Variants in DENND1A observed in about 807,000 individuals in gnomAD.
DENND1A encodes the protein DENN domain containing 1A.
In DENND1A, 51 loss-of-function variants were observed where a neutral mutation model predicts 113.7. That is an observed-to-expected ratio of 0.45 (90% CI 0.36 to 0.57). The LOEUF (loss-of-function observed/expected upper bound fraction) is 0.57, where lower values mean the gene tolerates loss of function less well. Among genes scored for constraint, DENND1A ranks in the 20% least tolerant of loss-of-function variants. DENND1A has a pLI of 0.00. For synonymous variants in DENND1A, 565 were observed against 570.8 expected, an observed-to-expected ratio of 0.99 and a Z score of 0.14; for missense variants, 1,258 against 1,395.9, an observed-to-expected ratio of 0.90 and a Z score of 1.57.
intron 5 of DENND1A, among the ~76,000 whole-genome samples, chr9:123,690,127 G>A (rs1291799167): frequency 1.1e-5 from 1 of 89,752 alleles, no homozygotes; most frequent in African/African-American, 4.3e-5. Context: ...AGGAGGGAGG[G>A]GGGAAGAAGG....
chr9:123,749,914 G>A (rs1271149261), intron 5 of DENND1A, among the ~76,000 whole-genome samples: 3 of 152,126 alleles, frequency 2.0e-5, no homozygotes, highest in African/African-American at 4.8e-5. Flanking sequence ...AATTCACTCC[G>A]TCTCAAAAAT....
chr9:123,728,479 CAAA>C (rs60761810), intron 5 of DENND1A, among the ~76,000 whole-genome samples: 35 of 25,188 alleles, frequency 1.4e-3, no homozygotes, highest in Non-Finnish European at 1.3e-3. Context: ...CTCTGTCTCC[CAAA>C]AAAAAAAAAA....
At chr9:123,541,063 A>G (rs1466679771) in intron 13 of DENND1A, among the ~76,000 whole-genome samples, 1 of 152,096 alleles carries the variant, frequency 6.6e-6, no homozygotes, top group Non-Finnish European at 1.5e-5. Flanking sequence ...GTTGATTTTC[A>G]TCTTTGTTTA....
chr9:123,557,823 T>A (rs2057511270), intron 12 of DENND1A, 128 bp from the exon 13 acceptor site: 1 of 1,133,410 alleles, frequency 8.8e-7, no homozygotes, highest in Non-Finnish European at 1.2e-6. Context: ...CCTCAGTTAC[T>A]GGGAGGACAA....
In DENND1A at chr9:123,835,154, TGA is replaced by T. The variant is rs1590289022; in HGVS notation, c.89-42526_89-42525del. On this transcript the variant is annotated intron_variant, in intron 2 of 23. Coordinates refer to ENST00000394215, the MANE Select transcript of DENND1A (RefSeq NM_001352964.2). ...CAAATGTCTCTTCTATTATACTCGG[TGA>T]ACTAATCAGGACAATGAAACCAAAT... 2.7e-5 allele frequency among the ~76,000 whole-genome samples: 4 copies of T among 148,180 alleles called. No individual in the cohort carries two copies. The East Asian group carries it at 7.8e-4, about 29-fold the overall frequency.
Position 123,380,230 on chromosome 9 carries a change from C to G in DENND1A, c.*1202G>C, listed in dbSNP as rs2042207193. On this transcript the variant is annotated 3_prime_UTR_variant, in exon 24 of 24. Coordinates refer to ENST00000394215, the MANE Select transcript of DENND1A (RefSeq NM_001352964.2). The stretch of plus-strand genomic sequence containing the variant: ...TGGTTGTTTTCTTAAATGGTCGGGC[C>G]ATACTTTAACTTGGTTTATGGAAAT... 6.6e-6 allele frequency: 1 copy of G among 152,358 alleles called. No individual in the cohort carries two copies. The highest frequency in any genetic ancestry group is 2.4e-5 in the African/African-American group (1 of 41,384). The allele number at this position is 152,358 out of a possible 1,614,324, so 9.4% of individuals were successfully genotyped here.
chr9:123,482,829 G>A (rs565921511), intron 13 of DENND1A, among the ~76,000 whole-genome samples: 2 of 152,350 alleles, frequency 1.3e-5, no homozygotes, highest in East Asian at 3.9e-4. Flanking sequence ...GCCTCTGTGG[G>A]ATGGAGGAGT....
At chr9:123,498,534 A>T (rs1356917441) in intron 13 of DENND1A, among the ~76,000 whole-genome samples, 1 of 152,208 alleles carries the variant, frequency 6.6e-6, no homozygotes, top group Non-Finnish European at 1.5e-5. Flanking sequence ...ATGTCTTACC[A>T]AAGGTCAACA....
intron 9 of DENND1A, among the ~76,000 whole-genome samples, chr9:123,636,195 C>T (rs1302689785): frequency 6.6e-6 from 1 of 152,194 alleles, no homozygotes; most frequent in Non-Finnish European, 1.5e-5. Flanking sequence ...CTGACCAGGG[C>T]ACAGCTGTCT....
At chr9:123,500,965 T>TTACTTAAAAAATA in intron 13 of DENND1A, among the ~76,000 whole-genome samples, 1 of 152,384 alleles carries the variant, frequency 6.6e-6, no homozygotes, top group East Asian at 1.9e-4. Flanking sequence ...TACTGCCGAT[T>TTACTTAAAAAATA]ATTTTTAAGT....
chr9:123,893,466 A>C (rs751053744), intron 1 of DENND1A, among the ~76,000 whole-genome samples: 5 of 152,228 alleles, frequency 3.3e-5, no homozygotes, highest in Admixed American at 6.5e-5. Flanking sequence ...GACCAGACTT[A>C]TCAGCTTCAT....
At chr9:123,927,844 A>G (rs935007902) in intron 1 of DENND1A, among the ~76,000 whole-genome samples, 3 of 152,246 alleles carry the variant, frequency 2.0e-5, no homozygotes, top group Non-Finnish European at 2.9e-5. Context: ...GCCAGCCAGT[A>G]GTAACCAAAG....
At chr9:123,890,096 C>G (rs1348483300) in intron 1 of DENND1A, among the ~76,000 whole-genome samples, 2 of 152,134 alleles carry the variant, frequency 1.3e-5, no homozygotes, top group Admixed American at 6.5e-5. Context: ...GTTTCTGAAG[C>G]TGATTGTCAA....
intron 13 of DENND1A, among the ~76,000 whole-genome samples, chr9:123,507,532 C>T (rs1432233658): frequency 1.3e-5 from 2 of 152,070 alleles, no homozygotes; most frequent in African/African-American, 2.4e-5. Context: ...CCCAAGTAGA[C>T]TAAAGCAGAA....
intron 8 of DENND1A, among the ~76,000 whole-genome samples, chr9:123,665,698 C>T (rs530183191): frequency 1.3e-5 from 2 of 152,240 alleles, no homozygotes; most frequent in South Asian, 4.2e-4. Context: ...TCAAGTATAT[C>T]CCCAAAAGAA....
At chr9:123,768,959 G>A (rs1026762737) in intron 4 of DENND1A, among the ~76,000 whole-genome samples, 2 of 151,296 alleles carry the variant, frequency 1.3e-5, no homozygotes, top group Non-Finnish European at 2.9e-5. Flanking sequence ...ATGTTTAGGT[G>A]GTTTTGTACT....
chr9:123,791,141 C>A (rs1832935161), intron 3 of DENND1A, among the ~76,000 whole-genome samples: 1 of 152,026 alleles, frequency 6.6e-6, no homozygotes, highest in African/African-American at 2.4e-5. Flanking sequence ...TATAAAATTC[C>A]CTCTCACTGA....
chr9:123,785,740 T>C (rs1421407791), intron 3 of DENND1A, among the ~76,000 whole-genome samples: 1 of 148,954 alleles, frequency 6.7e-6, no homozygotes, highest in Non-Finnish European at 1.5e-5. Flanking sequence ...CCTGTGGCTA[T>C]CATGCTAACA....
chr9:123,534,795 CCT>C (rs1401079123), intron 13 of DENND1A, among the ~76,000 whole-genome samples: 5 of 152,198 alleles, frequency 3.3e-5, no homozygotes, highest in African/African-American at 1.2e-4. Flanking sequence ...ATATCTTTCC[CCT>C]GTTTTAGTCT....
Sources: gnomAD v4.1 joint callset for allele counts (sites outside exome capture counted in the v4.1 genomes callset) on GRCh38, gnomAD v4.1.1 for gene constraint, MANE v1.5 for transcripts, NCBI Gene and HGNC (gene_info 2026-07-23, HGNC 2026-07-21) for gene names.